The following OTUD7A variants were observed in gnomAD, a reference collection of about 807,000 sequenced individuals.
OTUD7A encodes OTU deubiquitinase 7A.
A neutral mutation model predicts 65.7 loss-of-function variants in OTUD7A; 12 were observed. The ratio of observed to expected loss-of-function variants is 0.18; its 90% CI spans 0.12 to 0.30. The LOEUF is 0.30. OTUD7A is among the 10% of genes least tolerant of loss of function. The probability of loss-of-function intolerance (pLI) is 1.00; values close to 1 mark genes in which losing one functional copy is unlikely to be tolerated. For synonymous variants in OTUD7A, 641 were observed against 586.3 expected (o/e 1.09, Z -1.35); for missense variants, 1,148 against 1,304.8 (o/e 0.88, Z 1.85).
At chr15:31,529,894 C>T (rs968270144) in intron 6 of OTUD7A, among the ~76,000 whole-genome samples, 1 of 152,162 alleles carries the variant, frequency 6.6e-6, no homozygotes, top group African/African-American at 2.4e-5. Flanking sequence ...TCCTCCAGGG[C>T]GGGTAAGAAC....
At chr15:31,509,403 C>A (rs773245863) in intron 8 of OTUD7A, among the ~76,000 whole-genome samples, 77 of 152,110 alleles carry the variant, frequency 5.1e-4, no homozygotes, top group Non-Finnish European at 9.7e-4. Context: ...CTCAGCCTCC[C>A]GAGTAGCTGG....
At chr15:31,519,383 C>T (rs1327449264) in intron 8 of OTUD7A, among the ~76,000 whole-genome samples, 3 of 152,168 alleles carry the variant, frequency 2.0e-5, no homozygotes, top group South Asian at 2.1e-4. Context: ...ATTATCTTTT[C>T]GATGTCCTGT....
intron 1 of OTUD7A, among the ~76,000 whole-genome samples, chr15:31,743,326 T>C (rs1831858953): frequency 6.6e-6 from 1 of 151,838 alleles, no homozygotes. Flanking sequence ...TCCCAAATAT[T>C]TGGATACTAA....
At chr15:31,579,136 G>C (rs1325200498) in intron 3 of OTUD7A, among the ~76,000 whole-genome samples, 1 of 152,136 alleles carries the variant, frequency 6.6e-6, no homozygotes, top group Non-Finnish European at 1.5e-5. Context: ...ACATACAAGA[G>C]GTTTGTATCT....
chr15:31,608,200 T>C (rs906239144), intron 3 of OTUD7A, among the ~76,000 whole-genome samples: 1 of 152,062 alleles, frequency 6.6e-6, no homozygotes, highest in African/African-American at 2.4e-5. Context: ...TGAGCTGAGA[T>C]TGTGGCACTG....
At position 31,805,222 on chromosome 15, in the gene OTUD7A, G is replaced by T. The variant is rs1390366163; in HGVS notation, c.-100+65285C>A. On this transcript the variant is annotated intron_variant, in intron 1 of 12. Transcript: ENST00000307050. ...CCCATCAGCCCAGAGGCTGCCAAGT[G>T]CTGAGGGAGGAGTAGTGAGCCTGAT... Among the ~76,000 whole-genome samples, 4 of 152,384 alleles carry T rather than the reference G, an allele frequency of 2.6e-5. No homozygotes were observed. The South Asian group carries it at 8.3e-4, about 32-fold the overall frequency.
At position 31,505,497 on chromosome 15, in the gene OTUD7A, A is replaced by G. The variant is rs190996152; in HGVS notation, c.894-1679T>C. On this transcript the variant is annotated intron_variant, in intron 8 of 12. Transcript: ENST00000307050. ...GAAGTTACTATTTATTTTTAATTAG[A>G]TGGGGAGGAAAGGCTTTGAAGAGAA... Among the ~76,000 whole-genome samples, 170 of 152,266 alleles carry G rather than the reference A, an allele frequency of 1.1e-3. No individual in the cohort carries two copies. The East Asian group carries it at 0.023, about 21-fold the overall frequency.
intron 1 of OTUD7A, among the ~76,000 whole-genome samples, chr15:31,744,195 A>G (rs1894415734): frequency 6.6e-6 from 1 of 152,232 alleles, no homozygotes; most frequent in Admixed American, 6.5e-5. Flanking sequence ...TATTTAAGGA[A>G]GAAATAATAG....
chr15:31,511,064 CATATAT>C lies in OTUD7A; in HGVS notation c.894-7252_894-7247del, dbSNP rs200517862. On this transcript the variant is annotated intron_variant, in intron 8 of 12. Transcript: ENST00000307050. Reference sequence around the variant, plus strand: ...TACATGTATATCTATATGTAACATACATATATATGTATATCTATATGTAACATACAT... The same window carrying C: ...TACATGTATATCTATATGTAACATACATGTATATCTATATGTAACATACAT... Among the ~76,000 whole-genome samples, 422 of 56,664 alleles carry C rather than the reference CATATAT, an allele frequency of 7.4e-3. 118 individuals carry two copies. The highest frequency in any genetic ancestry group is 0.025 in the South Asian group (51 of 2,042). The allele number at this position is 56,664 out of a possible 152,430, so 37.2% of individuals were successfully genotyped here.
intron 1 of OTUD7A, among the ~76,000 whole-genome samples, chr15:31,677,671 G>T (rs1010235916): frequency 6.6e-6 from 1 of 152,320 alleles, no homozygotes; most frequent in Non-Finnish European, 1.5e-5. Context: ...CACCATGATT[G>T]TAAGTTTCCT....
At position 31,480,708 on chromosome 15, in the gene OTUD7A, C is replaced by T. The variant is rs2041105215; in HGVS notation, c.*2586G>A. 2 of 152,202 alleles carry T rather than the reference C, an allele frequency of 1.3e-5. No homozygotes were observed. The highest frequency in any genetic ancestry group is 2.9e-5 in the Non-Finnish European group (2 of 68,044). 9.4% of individuals were successfully genotyped at this position (152,202 alleles called of 1,614,324 possible). A position where few individuals can be genotyped will look rare whatever the true frequency, so the allele number is the denominator to read the frequency against. On this transcript the variant is annotated 3_prime_UTR_variant, in exon 13 of 13. Coordinates refer to ENST00000307050, the MANE Select transcript of OTUD7A (RefSeq NM_001382637.1). ...GGACTAGCACATTTAATATGACCATCCGCTCTCTCCCTTTTGCATTTTTAA... is the reference window on the plus strand; with the variant it reads ...GGACTAGCACATTTAATATGACCATTCGCTCTCTCCCTTTTGCATTTTTAA...
chr15:31,821,594 C>A (rs1003584345), intron 1 of OTUD7A, among the ~76,000 whole-genome samples: 1 of 152,028 alleles, frequency 6.6e-6, no homozygotes, highest in Non-Finnish European at 1.5e-5. Context: ...CACTCATGTA[C>A]AAGTTTTTGT....
At chr15:31,667,452 C>T (rs371838778) in intron 1 of OTUD7A, among the ~76,000 whole-genome samples, 15 of 152,270 alleles carry the variant, frequency 9.9e-5, no homozygotes, top group African/African-American at 3.6e-4. Flanking sequence ...GCTACTGCTG[C>T]TTGCTTTTGG....
Position 31,530,694 on chromosome 15 carries a change from C to A in OTUD7A, c.652+13G>T. ...GGAGCCTGGCCACCCTCTGTCTGTG[C>A]TGTGGAGCTTACCCAGTGAAGCAGC... On this transcript the variant is annotated intron_variant, in intron 6 of 12. Transcript: ENST00000307050. 1 of 1,612,272 alleles carries A rather than the reference C, an allele frequency of 6.2e-7. No homozygotes were observed. Among genetic ancestry groups the A allele is most frequent in the Non-Finnish European group, 8.5e-7 (1 of 1,178,576 alleles).
chr15:31,520,901 TTAGA>T (rs1194886515), intron 8 of OTUD7A, among the ~76,000 whole-genome samples: 8 of 152,060 alleles, frequency 5.3e-5, no homozygotes, highest in Non-Finnish European at 1.0e-4. Flanking sequence ...CAACGTAGGA[TTAGA>T]TAAAGAAAAT....
At chr15:31,603,695 T>C (rs1890150742) in intron 3 of OTUD7A, among the ~76,000 whole-genome samples, 2 of 152,172 alleles carry the variant, frequency 1.3e-5, no homozygotes. Context: ...AATCTTTCCA[T>C]CTAACAATGG....
intron 1 of OTUD7A, among the ~76,000 whole-genome samples, chr15:31,850,755 G>T (rs960216479): frequency 1.3e-5 from 2 of 151,996 alleles, no homozygotes; most frequent in African/African-American, 4.8e-5. Context: ...GCCACTTAAG[G>T]CTCCAAAACC....
chr15:31,493,636 AT>A (rs1240183937), intron 10 of OTUD7A, among the ~76,000 whole-genome samples: 8 of 152,240 alleles, frequency 5.3e-5, no homozygotes, highest in Admixed American at 1.3e-4. Context: ...GTCTGAGTGC[AT>A]TAAAAAGAAC....
chr15:31,576,629 G>A (rs1889211696), intron 3 of OTUD7A, among the ~76,000 whole-genome samples: 1 of 152,156 alleles, frequency 6.6e-6, no homozygotes, highest in Non-Finnish European at 1.5e-5. Flanking sequence ...TTGGGTACAT[G>A]CACTCAGGAT....
Sources: gnomAD v4.1 joint callset for allele counts (sites outside exome capture counted in the v4.1 genomes callset) on GRCh38, gnomAD v4.1.1 for gene constraint, MANE v1.5 for transcripts, NCBI Gene and HGNC (gene_info 2026-07-23, HGNC 2026-07-21) for gene names.